The following UNC80 variants were observed in gnomAD, a reference collection of about 807,000 sequenced individuals.
UNC80 encodes unc-80 subunit of NALCN channel complex.
A neutral mutation model predicts 384.6 loss-of-function variants in UNC80; 164 were observed. The ratio of observed to expected loss-of-function variants is 0.43; its 90% CI spans 0.38 to 0.49. UNC80 has a LOEUF of 0.49. Ranked by LOEUF, UNC80 falls within the 20% of genes least tolerant of loss-of-function variation. UNC80 has a pLI of 0.00. For missense variants in UNC80, 3,330 were observed against 4,143.0 expected, an observed-to-expected ratio of 0.80 and a Z score of 5.39; for synonymous variants, 1,486 against 1,527.8, an observed-to-expected ratio of 0.97 and a Z score of 0.64.
At chr2:209,937,498 T>C in intron 41 of UNC80, 31 bp from the exon 42 acceptor site, 1 of 1,418,854 alleles carries the variant, frequency 7.0e-7, no homozygotes, top group East Asian at 2.5e-5. Context: ...TTTTGAACTC[T>C]TTTTTTTGTC....
In UNC80 at chr2:209,826,026, T is replaced by C; in HGVS notation, c.2451T>C (p.Arg817=). 6.5e-7 allele frequency: 1 copy of C among 1,549,950 alleles called. No individual in the cohort carries two copies. Among genetic ancestry groups the C allele is most frequent in the African/African-American group, 1.4e-5 (1 of 73,062 alleles). ...GACACCGAGGGCTCTCTGGAGATCG[T>C]CTGAGACACCAGGTATTCCGAGAGA... ...GEGHRGLSGD[R]LRHQVFRENA... Residue 817 remains arginine, a synonymous_variant, in exon 14 of 65, where the codon CGT becomes CGC. Transcript: ENST00000673920.
intron 44 of UNC80, 129 bp from the exon 45 acceptor site, chr2:209,943,251 C>T (rs1475579372): frequency 2.0e-5 from 24 of 1,189,920 alleles, no homozygotes; most frequent in African/African-American, 3.1e-5. Flanking sequence ...TGCCATTTTA[C>T]ATTCCTCTCT....
chr2:209,816,145 T>C (rs1487906379), intron 9 of UNC80, among the ~76,000 whole-genome samples: 1 of 152,202 alleles, frequency 6.6e-6, no homozygotes, highest in Non-Finnish European at 1.5e-5. Flanking sequence ...CATTGATCAT[T>C]TGAAAGGAAA....
intron 56 of UNC80, among the ~76,000 whole-genome samples, chr2:209,974,254 T>C (rs1052018678): frequency 1.3e-5 from 2 of 151,854 alleles, no homozygotes; most frequent in African/African-American, 4.8e-5. Context: ...TGTTTGAAAA[T>C]GAGGGGATTG....
At chr2:209,908,912 C>A (rs546052635) in intron 29 of UNC80, among the ~76,000 whole-genome samples, 3 of 152,102 alleles carry the variant, frequency 2.0e-5, no homozygotes, top group Non-Finnish European at 4.4e-5. Context: ...TTCCCAGAAA[C>A]GAGGAAATCC....
intron 60 of UNC80, 139 bp from the exon 61 acceptor site, chr2:209,984,715 CTG>C (rs2093244303): frequency 2.6e-6 from 2 of 766,560 alleles, no homozygotes; most frequent in Non-Finnish European, 2.0e-6. Flanking sequence ...AAATGGTTGA[CTG>C]TCTCCTTTTC....
At chr2:209,818,123 A>T (rs1336566218) in intron 11 of UNC80, among the ~76,000 whole-genome samples, 171 bp downstream of exon 11, 2 of 152,218 alleles carry the variant, frequency 1.3e-5, no homozygotes, top group African/African-American at 4.8e-5. Context: ...TAGTAGCAAG[A>T]ACTATTTAAC....
In UNC80 at chr2:209,985,012, G is replaced by A. The variant is rs187853826; in HGVS notation, c.9314+100G>A. ...TGTCTTCTCTGTCTCTTCTCGCCCC[G>A]TCTTAATATCTATTTCCATTCCTTG... On this transcript the variant is annotated intron_variant, in intron 61 of 64. Transcript: ENST00000673920. The A allele has an allele frequency of 3.3e-3, 3,324 of 1,022,520 alleles. 11 individuals are homozygous for A. Among genetic ancestry groups the A allele is most frequent in the Non-Finnish European group, 4.2e-3 (2,999 of 710,742 alleles). 63.3% of individuals were successfully genotyped at this position (1,022,520 alleles called of 1,614,324 possible). A position where few individuals can be genotyped will look rare whatever the true frequency, so the allele number is the denominator to read the frequency against.
At chr2:209,804,427 A>G (rs757049281) in intron 7 of UNC80, among the ~76,000 whole-genome samples, 22 of 152,200 alleles carry the variant, frequency 1.4e-4, no homozygotes, top group Non-Finnish European at 2.5e-4. Flanking sequence ...ACAGCTGAGT[A>G]GTTTCCTCAG....
At position 209,888,079 on chromosome 2, in the gene UNC80, C is replaced by T; in HGVS notation, c.4111-16C>T. On this transcript the variant is annotated splice_polypyrimidine_tract_variant and intron_variant, in intron 25 of 64. Transcript: ENST00000673920. ...GGGAGATGCCAGCACTCATGTGCTC[C>T]TCACTGGCATTTTAGGACTTGGAGA... is the stretch of plus-strand genomic sequence containing the variant. The T allele has an allele frequency of 6.4e-7, 1 of 1,551,548 alleles. No individual in the cohort carries two copies. Among genetic ancestry groups the T allele is most frequent in the Non-Finnish European group, 8.7e-7 (1 of 1,146,930 alleles).
At chr2:209,809,396 G>A in intron 7 of UNC80, 5 of 1,256,826 alleles carry the variant, frequency 4.0e-6, no homozygotes, top group Non-Finnish European at 5.8e-6. Context: ...ACCCACACTG[G>A]TGAGAAGCCC....
At chr2:209,863,146 A>G (rs970773731) in intron 22 of UNC80, among the ~76,000 whole-genome samples, 1 of 152,182 alleles carries the variant, frequency 6.6e-6, no homozygotes, top group African/African-American at 2.4e-5. Flanking sequence ...TTTCTTAAGA[A>G]TGTTGAATAT....
intron 22 of UNC80, among the ~76,000 whole-genome samples, chr2:209,853,157 A>T (rs1383869983): frequency 1.3e-5 from 2 of 152,056 alleles, no homozygotes; most frequent in African/African-American, 4.8e-5. Context: ...GAATGTGCTC[A>T]ATTCATCATC....
chr2:209,867,494 A>G (rs983347936), intron 22 of UNC80, among the ~76,000 whole-genome samples: 4 of 152,128 alleles, frequency 2.6e-5, no homozygotes, highest in Non-Finnish European at 4.4e-5. Context: ...CATTCTCGTA[A>G]AAGACTTTTT....
intron 42 of UNC80, among the ~76,000 whole-genome samples, chr2:209,938,710 C>CTG (rs139058213): frequency 9.3e-4 from 78 of 83,500 alleles, no homozygotes; most frequent in Middle Eastern, 8.2e-3. Context: ...CTCTCTCTCT[C>CTG]TGTGTGTGTG....
Position 209,978,701 on chromosome 2 carries a change from T to G in UNC80, c.9111T>G (p.Asp3037Glu), listed in dbSNP as rs1268198157. 4 of 1,534,884 alleles carry G rather than the reference T, an allele frequency of 2.6e-6. No homozygotes were observed. Among genetic ancestry groups the G allele is most frequent in the Non-Finnish European group, 3.5e-6 (4 of 1,134,200 alleles). ...CCCTGAGTCGGACTGATGAGGAAGA[T>G]GAGGAAAGTAGGTCATTCCAGAGAA... ...QDTLSRTDEE[D>E]EENDSISMPS... Residue 3037 changes from aspartate to glutamate, a missense_variant, in exon 59 of 65, where the codon GAT becomes GAG. Around this residue, in one of 8 missense-constraint regions of UNC80, gnomAD observed 216 missense variants for 245.3 expected, o/e 0.88. Transcript: ENST00000673920.
chr2:209,971,253 C>T (rs1398629959), intron 54 of UNC80, among the ~76,000 whole-genome samples: 3 of 152,102 alleles, frequency 2.0e-5, no homozygotes, highest in South Asian at 4.1e-4. Flanking sequence ...AATCAGCTCA[C>T]AATTGTTAAT....
At chr2:209,918,755 GTAA>G (rs1230091626) in intron 33 of UNC80, 92 bp downstream of exon 33, 25 of 1,349,076 alleles carry the variant, frequency 1.9e-5, no homozygotes, top group Non-Finnish European at 2.4e-5. Context: ...TCATAAGAAT[GTAA>G]TAATAACACA....
intron 22 of UNC80, among the ~76,000 whole-genome samples, chr2:209,852,649 T>G (rs1430380379): frequency 6.6e-6 from 1 of 152,122 alleles, no homozygotes; most frequent in Non-Finnish European, 1.5e-5. Flanking sequence ...TCGTACGTGC[T>G]TGAATCAAAG....
Sources: allele counts gnomAD v4.1 joint callset (sites outside exome capture counted in the v4.1 genomes callset), GRCh38; gene constraint gnomAD v4.1.1; regional missense constraint gnomAD v4.1.1; transcripts MANE v1.5; gene names NCBI Gene and HGNC (gene_info 2026-07-23, HGNC 2026-07-21).